Variants in SLC8A3 observed in about 807,000 individuals in gnomAD.
SLC8A3 encodes sodium/calcium exchanger 3.
Under a neutral mutation model 65.4 loss-of-function variants are expected in SLC8A3, and 37 were observed. That is an observed-to-expected ratio of 0.57 (90% CI 0.44 to 0.74). SLC8A3 has a LOEUF of 0.74. SLC8A3 is among the 30% of genes least tolerant of loss of function. The pLI, the probability that SLC8A3 is intolerant of heterozygous loss-of-function variation, is 0.00. For synonymous variants in SLC8A3, 461 were observed against 444.5 expected, an observed-to-expected ratio of 1.04 and a Z score of -0.47; for missense variants, 1,112 against 1,172.1, an observed-to-expected ratio of 0.95 and a Z score of 0.75.
Position 70,069,908 on chromosome 14 carries a change from C to G in SLC8A3, c.1785-8969G>C, listed in dbSNP as rs143075709. On this transcript the variant is annotated intron_variant, in intron 2 of 6. Coordinates refer to ENST00000356921, the MANE Select transcript of SLC8A3 (RefSeq NM_182932.3). The stretch of plus-strand genomic sequence containing the variant: ...TAGATCTGGGGTGGGGCCTGAGAGC[C>G]TGCCTTTTTAACAAGGCCCCAGCGT... Among the ~76,000 whole-genome samples the G allele has an allele frequency of 2.6e-5, 4 of 152,286 alleles. No individual in the cohort carries two copies. The East Asian group carries it at 5.8e-4, about 22-fold the overall frequency.
chr14:70,052,188 G>T, intron 3 of SLC8A3, 74 bp from the exon 4 acceptor site: 1 of 1,501,110 alleles, frequency 6.7e-7, no homozygotes, highest in Non-Finnish European at 8.8e-7. Flanking sequence ...AGAGTATTAG[G>T]CATGGGCAGT....
At chr14:70,182,778 GATATTC>G (rs1298273390) in intron 1 of SLC8A3, among the ~76,000 whole-genome samples, 2 of 152,070 alleles carry the variant, frequency 1.3e-5, no homozygotes, top group African/African-American at 2.4e-5. Flanking sequence ...TTAGAGAAGT[GATATTC>G]TTTTTAAGAT....
intron 2 of SLC8A3, chr14:70,064,001 G>A: frequency 1.2e-6 from 1 of 800,416 alleles, no homozygotes. Flanking sequence ...GACAAAAACG[G>A]GAAGAGAAGG....
In SLC8A3 at chr14:70,044,866, T is replaced by C. The variant is rs1159276640; in HGVS notation, c.*1081A>G. ...GTGAAGCTGACATTTCTCAGGCACA[T>C]TGACATTTAAAATACAAACTTTTCT... On this transcript the variant is annotated 3_prime_UTR_variant, in exon 7 of 7. Transcript: ENST00000356921. The C allele has an allele frequency of 6.6e-6, 1 of 152,202 alleles. No homozygotes were observed. Among genetic ancestry groups the C allele is most frequent in the Non-Finnish European group, 1.5e-5 (1 of 68,030 alleles). 9.4% of individuals were successfully genotyped at this position (152,202 alleles called of 1,614,324 possible). A position where few individuals can be genotyped will look rare whatever the true frequency, so the allele number is the denominator to read the frequency against.
At chr14:70,101,916 G>T (rs574357464) in intron 2 of SLC8A3, among the ~76,000 whole-genome samples, 1 of 152,312 alleles carries the variant, frequency 6.6e-6, no homozygotes, top group South Asian at 2.1e-4. Context: ...AGAGTTCTGA[G>T]TTGTTAAGGT....
chr14:70,188,042 A>G (rs1352781878), intron 1 of SLC8A3, among the ~76,000 whole-genome samples: 2 of 151,662 alleles, frequency 1.3e-5, no homozygotes, highest in African/African-American at 2.4e-5. Context: ...CCCGCTACCA[A>G]CCCAGCATGC....
intron 3 of SLC8A3, 74 bp from the exon 4 acceptor site, chr14:70,052,188 G>C (rs567320185): frequency 6.7e-7 from 1 of 1,501,110 alleles, no homozygotes; most frequent in Admixed American, 2.4e-5. Context: ...AGAGTATTAG[G>C]CATGGGCAGT....
At chr14:70,172,270 T>C (rs774167851) in intron 1 of SLC8A3, among the ~76,000 whole-genome samples, 14 of 152,220 alleles carry the variant, frequency 9.2e-5, no homozygotes, top group Non-Finnish European at 1.8e-4. Context: ...AGCAACCCTA[T>C]GAGGTTAGAA....
At chr14:70,063,539 A>G (rs1227272745) in intron 2 of SLC8A3, among the ~76,000 whole-genome samples, 4 of 152,314 alleles carry the variant, frequency 2.6e-5, no homozygotes, top group African/African-American at 2.4e-5. Context: ...TTCTTTCCCC[A>G]TACTCATTTC....
rs374224410 is a variant in SLC8A3, at chr14:70,167,849, C to T, written c.574G>A (p.Gly192Arg). The change falls in exon 2 of 7, where the codon GGA (glycine) becomes AGA (arginine). Residue 192 changes from glycine to arginine, a missense_variant. Transcript: ENST00000356921. ...AGATGCTTGATCTTGCGAGTCTCTC[C>T]GTCTGGGATCACGTAGACACAGATG... ...IGICVYVIPD[G>R]ETRKIKHLRV... 49 of 1,614,000 alleles carry T rather than the reference C, an allele frequency of 3.0e-5. No individual in the cohort carries two copies. The highest frequency in any genetic ancestry group is 1.6e-4 in the East Asian group (7 of 44,882).
rs548337327 is a variant in SLC8A3, at chr14:70,125,550, ATAC to A, written c.1784+41086_1784+41088del. ...ATAGTATTCCATTGTGTGTGTATAT[ATAC>A]ACATTTTCTTTATCCAGTCATCCAT... On this transcript the variant is annotated intron_variant, in intron 2 of 6. Transcript: ENST00000356921. Among the ~76,000 whole-genome samples the A allele has an allele frequency of 3.5e-3, 529 of 152,264 alleles. 3 individuals carry two copies. Among genetic ancestry groups the A allele is most frequent in the Middle Eastern group, 0.01 (3 of 294 alleles).
intron 2 of SLC8A3, among the ~76,000 whole-genome samples, chr14:70,132,646 C>A (rs920856624): frequency 2.0e-5 from 3 of 152,138 alleles, no homozygotes; most frequent in Non-Finnish European, 2.9e-5. Context: ...TTCAGGGTAG[C>A]CTTTTGAGGT....
intron 2 of SLC8A3, among the ~76,000 whole-genome samples, chr14:70,141,319 A>T (rs888446777): frequency 1.3e-5 from 2 of 152,228 alleles, no homozygotes; most frequent in Non-Finnish European, 2.9e-5. Flanking sequence ...GGTAGACATT[A>T]TTATACCCAT....
intron 2 of SLC8A3, among the ~76,000 whole-genome samples, chr14:70,088,345 C>T (rs1413203172): frequency 2.0e-5 from 3 of 152,194 alleles, no homozygotes; most frequent in Non-Finnish European, 4.4e-5. Context: ...GCCCACCAGT[C>T]TCCTGTGGAT....
rs142863160 is a variant in SLC8A3, at chr14:70,062,846, G to A, written c.1785-1907C>T. ...GTGTGAGCCTGTTTCTCTGCTGCAG[G>A]AACTCTGCTGTGGGATGGGATTGGG... On this transcript the variant is annotated intron_variant, in intron 2 of 6. Coordinates refer to ENST00000356921, the MANE Select transcript of SLC8A3 (RefSeq NM_182932.3). Among the ~76,000 whole-genome samples the A allele has an allele frequency of 1.3e-4, 20 of 152,272 alleles. No homozygotes were observed. The East Asian group carries it at 3.9e-3, about 29-fold the overall frequency.
At chr14:70,152,848 G>A (rs1896357614) in intron 2 of SLC8A3, among the ~76,000 whole-genome samples, 1 of 152,260 alleles carries the variant, frequency 6.6e-6, no homozygotes. Flanking sequence ...TCCCTGTAGA[G>A]TGGCAGGGGG....
intron 2 of SLC8A3, among the ~76,000 whole-genome samples, chr14:70,108,202 C>A (rs933788807): frequency 6.6e-6 from 1 of 152,076 alleles, no homozygotes; most frequent in African/African-American, 2.4e-5. Context: ...TTGTCTCCAG[C>A]CACTGAATGG....
At chr14:70,057,578 T>C (rs1291736744) in intron 3 of SLC8A3, among the ~76,000 whole-genome samples, 3 of 152,204 alleles carry the variant, frequency 2.0e-5, no homozygotes, top group Non-Finnish European at 4.4e-5. Context: ...CTCTGGTCAT[T>C]GTCTCCATGA....
At chr14:70,088,819 A>G (rs1021184467) in intron 2 of SLC8A3, among the ~76,000 whole-genome samples, 2 of 152,280 alleles carry the variant, frequency 1.3e-5, no homozygotes. Context: ...TCTTGCCTGC[A>G]TTCTGGCTTC....
Sources: allele counts gnomAD v4.1 joint callset (sites outside exome capture counted in the v4.1 genomes callset), GRCh38; gene constraint gnomAD v4.1.1; transcripts MANE v1.5; gene names NCBI Gene and HGNC (gene_info 2026-07-23, HGNC 2026-07-21).